The following CPNE4 variants were observed in gnomAD, a reference collection of about 807,000 sequenced individuals.
CPNE4 encodes copine-4.
A neutral mutation model predicts 67.9 loss-of-function variants in CPNE4; 25 were observed. That is an observed-to-expected ratio of 0.37 (90% CI 0.27 to 0.51). CPNE4 has a LOEUF of 0.51. CPNE4 is among the 20% of genes least tolerant of loss of function. The pLI is 0.93. For synonymous variants in CPNE4, 242 were observed against 244.9 expected, an observed-to-expected ratio of 0.99 and a Z score of 0.11; for missense variants, 464 against 690.8, an observed-to-expected ratio of 0.67 and a Z score of 3.68.
intron 2 of CPNE4, among the ~76,000 whole-genome samples, chr3:131,744,967 G>C (rs1336827018): frequency 6.6e-6 from 1 of 152,160 alleles, no homozygotes; most frequent in African/African-American, 2.4e-5. Context: ...CAATTGCTGA[G>C]TCGTATGGTA....
chr3:131,997,301 A>C (rs2073318435), intron 1 of CPNE4, among the ~76,000 whole-genome samples: 1 of 152,164 alleles, frequency 6.6e-6, no homozygotes, highest in Non-Finnish European at 1.5e-5. Flanking sequence ...GCTTCAGCCC[A>C]AATAGTTCCA....
At chr3:131,584,677 T>C (rs1198201037) in intron 8 of CPNE4, among the ~76,000 whole-genome samples, 2 of 152,184 alleles carry the variant, frequency 1.3e-5, no homozygotes, top group Non-Finnish European at 2.9e-5. Flanking sequence ...CTAGAACACT[T>C]TGCAGCACTG....
intron 1 of CPNE4, among the ~76,000 whole-genome samples, chr3:131,998,722 A>AG (rs397806988): frequency 4.0e-4 from 60 of 151,024 alleles, no homozygotes; most frequent in African/African-American, 1.5e-3. Context: ...CAGAAATGAA[A>AG]AGATGGGTAA....
At chr3:131,760,835 A>C (rs371068501) in intron 2 of CPNE4, among the ~76,000 whole-genome samples, 2 of 152,282 alleles carry the variant, frequency 1.3e-5, no homozygotes, top group South Asian at 2.1e-4. Flanking sequence ...TGAGATGACC[A>C]GTTCTATCCT....
intron 2 of CPNE4, among the ~76,000 whole-genome samples, chr3:131,772,307 C>G (rs1479225127): frequency 6.6e-6 from 1 of 152,078 alleles, no homozygotes; most frequent in Non-Finnish European, 1.5e-5. Flanking sequence ...TAAACAGATT[C>G]AATAAATTTT....
At chr3:132,008,382 G>A (rs2073661402) in intron 1 of CPNE4, among the ~76,000 whole-genome samples, 1 of 152,120 alleles carries the variant, frequency 6.6e-6, no homozygotes, top group Non-Finnish European at 1.5e-5. Flanking sequence ...TACCTTCCAT[G>A]TTTTGCAACT....
chr3:131,550,637 G>A (rs1020920582), intron 13 of CPNE4, among the ~76,000 whole-genome samples: 2 of 152,056 alleles, frequency 1.3e-5, no homozygotes, highest in East Asian at 1.9e-4. Flanking sequence ...TATACTCTGC[G>A]GGCAGGAATC....
intron 2 of CPNE4, among the ~76,000 whole-genome samples, chr3:131,792,696 CATATACACACACGTGTATATATGT>C (rs2083789325): frequency 4.5e-5 from 2 of 44,530 alleles, no homozygotes; most frequent in Non-Finnish European, 4.3e-5. Context: ...TGTATATATA[CATATACACACACGTGTATATATGT>C]ATATATATAC....
At chr3:131,881,671 G>A (rs1167700014) in intron 2 of CPNE4, among the ~76,000 whole-genome samples, 1 of 151,604 alleles carries the variant, frequency 6.6e-6, no homozygotes, top group African/African-American at 2.4e-5. Context: ...ATATTTTGTT[G>A]TTATTCTATA....
intron 2 of CPNE4, among the ~76,000 whole-genome samples, chr3:131,889,049 A>G (rs1013429901): frequency 3.3e-5 from 5 of 152,194 alleles, no homozygotes; most frequent in Admixed American, 2.6e-4. Flanking sequence ...TTTTACATGC[A>G]TTATCTCCCT....
chr3:131,848,768 T>A (rs1272060683), intron 2 of CPNE4, among the ~76,000 whole-genome samples: 1 of 151,612 alleles, frequency 6.6e-6, no homozygotes, highest in Non-Finnish European at 1.5e-5. Flanking sequence ...CACTCCAAAT[T>A]GCCCAAGCAC....
chr3:131,862,712 T>TAC (rs748869561), intron 2 of CPNE4, among the ~76,000 whole-genome samples: 3 of 150,764 alleles, frequency 2.0e-5, no homozygotes, highest in Admixed American at 1.3e-4. Context: ...TATATATATA[T>TAC]ATATTTTTAT....
At chr3:131,921,270 T>A (rs1560604004) in intron 1 of CPNE4, among the ~76,000 whole-genome samples, 1 of 152,208 alleles carries the variant, frequency 6.6e-6, no homozygotes. Context: ...CCAGTCTTAG[T>A]GTTTGTCTAT....
intron 7 of CPNE4, among the ~76,000 whole-genome samples, chr3:131,661,490 T>C (rs2080123246): frequency 1.3e-5 from 2 of 152,180 alleles, no homozygotes; most frequent in Non-Finnish European, 2.9e-5. Context: ...CACGCTGCAG[T>C]ATTGATTTCC....
intron 1 of CPNE4, among the ~76,000 whole-genome samples, chr3:131,927,280 G>C (rs2070922729): frequency 6.6e-6 from 1 of 151,946 alleles, no homozygotes; most frequent in South Asian, 2.1e-4. Context: ...GTTTCCAACT[G>C]TGTTGGCTAA....
At chr3:131,997,737 G>A (rs1000520656) in intron 1 of CPNE4, among the ~76,000 whole-genome samples, 1 of 152,110 alleles carries the variant, frequency 6.6e-6, no homozygotes, top group African/African-American at 2.4e-5. Flanking sequence ...GCTCAGCATG[G>A]TCACAGGTAT....
intron 4 of CPNE4, among the ~76,000 whole-genome samples, chr3:131,699,165 C>T (rs2081234355): frequency 6.6e-6 from 1 of 152,130 alleles, no homozygotes; most frequent in South Asian, 2.1e-4. Flanking sequence ...AAATACCAGG[C>T]ATTCCATTCA....
intron 2 of CPNE4, among the ~76,000 whole-genome samples, chr3:131,777,148 C>T (rs912452747): frequency 3.3e-5 from 5 of 152,046 alleles, no homozygotes; most frequent in Non-Finnish European, 5.9e-5. Context: ...CTGAAAGGGG[C>T]GTTATCTTAT....
At chr3:131,986,247 G>A (rs539794293) in intron 1 of CPNE4, among the ~76,000 whole-genome samples, 8 of 152,268 alleles carry the variant, frequency 5.3e-5, no homozygotes, top group African/African-American at 1.9e-4. Context: ...GAACCTGATT[G>A]GTAGTGTTTG....
Sources: gnomAD v4.1 joint callset for allele counts (sites outside exome capture counted in the v4.1 genomes callset) on GRCh38, gnomAD v4.1.1 for gene constraint, MANE v1.5 for transcripts, NCBI Gene and HGNC (gene_info 2026-07-23, HGNC 2026-07-21) for gene names.